The following NCKAP5 variants were observed in gnomAD, a reference collection of about 807,000 sequenced individuals.
The protein encoded by NCKAP5 is nck-associated protein 5.
Under a neutral mutation model 167.0 loss-of-function variants are expected in NCKAP5, and 92 were observed. The ratio of observed to expected loss-of-function variants is 0.55; its 90% CI spans 0.47 to 0.66. The LOEUF (loss-of-function observed/expected upper bound fraction) is 0.66, where lower values mean the gene tolerates loss of function less well. Among genes scored for constraint, NCKAP5 ranks in the 30% least tolerant of loss-of-function variants. The pLI, the probability that NCKAP5 is intolerant of heterozygous loss-of-function variation, is 0.00. For missense variants in NCKAP5, 2,378 were observed against 2,315.0 expected (o/e 1.03, Z -0.56); for synonymous variants, 891 against 877.4 (o/e 1.02, Z -0.27).
At chr2:133,177,164 C>CTATACATATA (rs2084499911) in intron 5 of NCKAP5, among the ~76,000 whole-genome samples, 2 of 138,608 alleles carry the variant, frequency 1.4e-5, no homozygotes, top group Admixed American at 7.1e-5. Context: ...GTTTTGTTTT[C>CTATACATATA]TATATATATA....
intron 3 of NCKAP5, among the ~76,000 whole-genome samples, chr2:133,370,829 T>C (rs890027134): frequency 6.6e-6 from 1 of 152,068 alleles, no homozygotes; most frequent in Non-Finnish European, 1.5e-5. Flanking sequence ...TTAGATTTCC[T>C]TTGGTTTACT....
intron 6 of NCKAP5, among the ~76,000 whole-genome samples, chr2:133,021,614 ACT>A (rs2078530675): frequency 1.3e-5 from 2 of 152,044 alleles, no homozygotes. Flanking sequence ...TATTGTGTAA[ACT>A]CTAGTTTTTT....
intron 2 of NCKAP5, among the ~76,000 whole-genome samples, chr2:133,552,679 G>A (rs1432018569): frequency 6.9e-6 from 1 of 145,750 alleles, no homozygotes; most frequent in African/African-American, 2.6e-5. Context: ...GCACCAGCAT[G>A]GCACATGTAT....
rs1250568547 is a variant in NCKAP5 at position 133,097,204 on chromosome 2, C to T, written c.341+32774G>A. Among the ~76,000 whole-genome samples the T allele has an allele frequency of 2.6e-5, 4 of 152,270 alleles. No homozygotes were observed. The East Asian group carries it at 5.8e-4, about 22-fold the overall frequency. On this transcript the variant is annotated intron_variant, in intron 6 of 19. Coordinates refer to ENST00000409261, the MANE Select transcript of NCKAP5 (RefSeq NM_207363.3). The stretch of plus-strand genomic sequence containing the variant: ...GGCATGGAGCAGCTGCCTTGGACTC[C>T]GAGATGATGGCTATGCACAGAGGGT...
In NCKAP5 at chr2:132,783,776, G is replaced by A; in HGVS notation, c.3035C>T (p.Pro1012Leu). ...GCATCGGGTTTGAATGACTGCTTCT[G>A]GGGAGGGCATAGGGTGAGTGAAGAT... Reference protein sequence around the residue: ...KPIFTHPMPSPEAVIQTRCPA... With the variant: ...KPIFTHPMPSLEAVIQTRCPA... Residue 1012 changes from proline (P) to leucine (L), a missense_variant, in exon 14 of 20, where the codon CCA becomes CTA. Pro to Leu is a moderately conservative substitution (Grantham distance 98, BLOSUM62 -3). This residue lies in a region of NCKAP5 where 1,325 missense variants were observed against 1,274.5 expected (regional missense o/e 1.04). Transcript: ENST00000409261. 1 of 1,579,948 alleles carries A rather than the reference G, an allele frequency of 6.3e-7. No individual in the cohort carries two copies. Among genetic ancestry groups the A allele is most frequent in the Non-Finnish European group, 8.6e-7 (1 of 1,164,490 alleles).
At chr2:133,574,603 C>CTTTT in the NCKAP5 span, among the ~76,000 whole-genome samples, 2 of 127,224 alleles carry the variant, frequency 1.6e-5, no homozygotes, top group Non-Finnish European at 1.7e-5. Context: ...TTCTTCTTTC[C>CTTTT]TTTTTTTTTT....
chr2:133,108,693 C>A (rs75610844), intron 6 of NCKAP5, among the ~76,000 whole-genome samples: 11,449 of 152,222 alleles, frequency 0.075, 1,018 homozygotes, highest in African/African-American at 0.22. Flanking sequence ...ACAGCTCTCC[C>A]TTTCTCTCAC....
In NCKAP5 at chr2:133,461,091, C is replaced by T. The variant is rs866484427; in HGVS notation, c.69+56367G>A. On this transcript the variant is annotated intron_variant, in intron 3 of 19. Transcript: ENST00000409261. The stretch of plus-strand genomic sequence containing the variant: ...AAGCAACACAAAGCGCTACGTTTTA[C>T]TGCAGCCAAAGGGAGATGGGATGGG... Among the ~76,000 whole-genome samples, 104 of 152,238 alleles carry T rather than the reference C, an allele frequency of 6.8e-4. 1 individual carries two copies. Among genetic ancestry groups the T allele is most frequent in the African/African-American group, 2.2e-3 (93 of 41,542 alleles).
At chr2:133,274,790 A>G (rs1332547987) in intron 4 of NCKAP5, among the ~76,000 whole-genome samples, 1 of 152,020 alleles carries the variant, frequency 6.6e-6, no homozygotes, top group Non-Finnish European at 1.5e-5. Flanking sequence ...ATGGAAAAAA[A>G]AAAATTAGAA....
intron 2 of NCKAP5, among the ~76,000 whole-genome samples, chr2:133,546,345 A>C (rs1686674459): frequency 6.6e-6 from 1 of 152,214 alleles, no homozygotes. Context: ...GAAAGGGCTT[A>C]AAAGGAGTAT....
intron 12 of NCKAP5, among the ~76,000 whole-genome samples, chr2:132,793,057 T>C (rs1279031156): frequency 1.3e-5 from 2 of 152,182 alleles, no homozygotes; most frequent in Admixed American, 6.5e-5. Context: ...CAGGCTGGAG[T>C]GCAATGGCAT....
chr2:132,701,690 G>A (rs1441823135), intron 19 of NCKAP5, among the ~76,000 whole-genome samples: 1 of 152,124 alleles, frequency 6.6e-6, no homozygotes, highest in African/African-American at 2.4e-5. Flanking sequence ...GCTGAACATG[G>A]GGATTAAGAT....
At chr2:133,291,062 A>G (rs968528636) in intron 4 of NCKAP5, among the ~76,000 whole-genome samples, 1 of 152,196 alleles carries the variant, frequency 6.6e-6, no homozygotes, top group Non-Finnish European at 1.5e-5. Context: ...TAAAGTCTCA[A>G]GAAAAGTGTT....
intron 10 of NCKAP5, among the ~76,000 whole-genome samples, chr2:132,868,151 A>G (rs1162941730): frequency 6.6e-6 from 1 of 152,200 alleles, no homozygotes; most frequent in East Asian, 1.9e-4. Flanking sequence ...TGCAGGATCT[A>G]AAAGTTTCTT....
chr2:133,252,030 A>AG (rs1451802488), intron 4 of NCKAP5, among the ~76,000 whole-genome samples: 2 of 152,236 alleles, frequency 1.3e-5, no homozygotes, highest in African/African-American at 4.8e-5. Context: ...TTTAGGAAAA[A>AG]TAATATTTCA....
intron 8 of NCKAP5, among the ~76,000 whole-genome samples, chr2:132,910,206 G>A (rs956305054): frequency 6.6e-6 from 1 of 152,042 alleles, no homozygotes; most frequent in Non-Finnish European, 1.5e-5. Context: ...ATCACATCAT[G>A]GAGAATGGGG....
chr2:133,161,518 AATACAGCCGGGTACCCAC>A (rs1368085388), intron 5 of NCKAP5, among the ~76,000 whole-genome samples: 1 of 152,210 alleles, frequency 6.6e-6, no homozygotes, highest in Non-Finnish European at 1.5e-5. Context: ...CACTTTGGCA[AATACAGCCGGGTACCCAC>A]ATAGCTCTGT....
At chr2:133,446,671 G>T (rs1464004643) in intron 3 of NCKAP5, among the ~76,000 whole-genome samples, 1 of 152,142 alleles carries the variant, frequency 6.6e-6, no homozygotes, top group Non-Finnish European at 1.5e-5. Flanking sequence ...TTTTGCCCTG[G>T]AATGACCAGA....
intron 11 of NCKAP5, among the ~76,000 whole-genome samples, chr2:132,837,636 T>C (rs1195987648): frequency 6.6e-6 from 1 of 152,216 alleles, no homozygotes; most frequent in Non-Finnish European, 1.5e-5. Context: ...TCTGGGTTCC[T>C]TTTCTCCATT....
Sources: allele counts gnomAD v4.1 joint callset (sites outside exome capture counted in the v4.1 genomes callset), GRCh38; gene constraint gnomAD v4.1.1; regional missense constraint gnomAD v4.1.1; transcripts MANE v1.5; gene names NCBI Gene and HGNC (gene_info 2026-07-23, HGNC 2026-07-21).